Variants in ZNF679 observed in about 807,000 individuals in gnomAD.
ZNF679 encodes the protein zinc finger protein 679.
Under a neutral mutation model 13.4 loss-of-function variants are expected in ZNF679, and 10 were observed. That is an observed-to-expected ratio of 0.75 (90% confidence interval 0.46 to 1.27). ZNF679 has a LOEUF of 1.27. ZNF679 is among the 50% of genes most tolerant of loss of function. The probability of loss-of-function intolerance (pLI) is 0.00; values close to 1 mark genes in which losing one functional copy is unlikely to be tolerated. For synonymous variants in ZNF679, 179 were observed against 162.5 expected, an observed-to-expected ratio of 1.10 and a Z score of -0.77; for missense variants, 525 against 477.8, an observed-to-expected ratio of 1.10 and a Z score of -0.92.
chr7:64,250,484 G>T (rs1049153299), intron 2 of ZNF679, among the ~76,000 whole-genome samples: 1 of 151,796 alleles, frequency 6.6e-6, no homozygotes, highest in Non-Finnish European at 1.5e-5. Context: ...TGGACAGGCT[G>T]GTCTCAAACT....
chr7:64,236,133 C>G (rs1166072703), intron 1 of ZNF679, among the ~76,000 whole-genome samples: 1 of 151,788 alleles, frequency 6.6e-6, no homozygotes, highest in Non-Finnish European at 1.5e-5. Context: ...GGTGTGGTGG[C>G]TCACACCTGT....
chr7:64,251,465 AAAG>A (rs1043628037), intron 2 of ZNF679, among the ~76,000 whole-genome samples: 1 of 152,144 alleles, frequency 6.6e-6, no homozygotes, highest in Non-Finnish European at 1.5e-5. Flanking sequence ...AAAAAAAAGA[AAAG>A]AAGAGAAAAG....
At chr7:64,265,772 G>T (rs1788135239) in intron 4 of ZNF679, 124 bp from the exon 5 acceptor site, 18 of 1,049,880 alleles carry the variant, frequency 1.7e-5, no homozygotes, top group Non-Finnish European at 2.3e-5. Flanking sequence ...AAGGAATTAT[G>T]GCCTGTGGTA....
chr7:64,234,004 G>A (rs1173296653), intron 1 of ZNF679, among the ~76,000 whole-genome samples: 2 of 152,076 alleles, frequency 1.3e-5, no homozygotes, highest in African/African-American at 4.8e-5. Flanking sequence ...CTACTGGGAA[G>A]AGGATAGAGG....
intron 2 of ZNF679, among the ~76,000 whole-genome samples, chr7:64,249,622 C>G (rs1787916210): frequency 6.6e-6 from 1 of 152,138 alleles, no homozygotes; most frequent in Admixed American, 6.5e-5. Context: ...GAGTGCCCAG[C>G]TATGGTTTGT....
chr7:64,243,780 G>T (rs768275317), intron 1 of ZNF679, among the ~76,000 whole-genome samples: 3 of 152,290 alleles, frequency 2.0e-5, no homozygotes, highest in African/African-American at 7.2e-5. Flanking sequence ...GAAGGTATAC[G>T]TCACAATCAC....
At chr7:64,238,524 A>C (rs543253780) in intron 1 of ZNF679, among the ~76,000 whole-genome samples, 1 of 152,142 alleles carries the variant, frequency 6.6e-6, no homozygotes, top group East Asian at 1.9e-4. Context: ...AGTAGCTGGG[A>C]TTACAGGTAC....
chr7:64,236,918 GAAA>G (rs1787723229), intron 1 of ZNF679, among the ~76,000 whole-genome samples: 1 of 99,130 alleles, frequency 1.0e-5, no homozygotes, highest in Non-Finnish European at 2.0e-5. Flanking sequence ...AAGAAAGAAA[GAAA>G]GAAGAAAGAA....
intron 1 of ZNF679, among the ~76,000 whole-genome samples, chr7:64,242,059 A>G (rs1166265478): frequency 6.6e-6 from 1 of 152,240 alleles, no homozygotes; most frequent in Non-Finnish European, 1.5e-5. Context: ...TGTGCATAAC[A>G]GCCCGAACCC....
chr7:64,260,515 C>T (rs1788062827), intron 3 of ZNF679, among the ~76,000 whole-genome samples, 168 bp downstream of exon 3: 1 of 152,074 alleles, frequency 6.6e-6, no homozygotes, highest in African/African-American at 2.4e-5. Context: ...TTTATCTTGA[C>T]CTGAACTTTT....
chr7:64,245,870 G>T (rs374054493), intron 1 of ZNF679, among the ~76,000 whole-genome samples: 1 of 152,170 alleles, frequency 6.6e-6, no homozygotes, highest in South Asian at 2.1e-4. Context: ...TCTGGGTGTG[G>T]TGGTGGGTGC....
intron 1 of ZNF679, among the ~76,000 whole-genome samples, chr7:64,242,768 A>AT (rs55654659): frequency 0.67 from 99,549 of 148,798 alleles, 33,793 homozygotes; most frequent in African/African-American, 0.8. Flanking sequence ...ATCACCTGTG[A>AT]TTTTTTTTTT....
chr7:64,248,970 T>C (rs1430504520), intron 1 of ZNF679, 58 bp from the exon 2 acceptor site: 2 of 1,154,366 alleles, frequency 1.7e-6, no homozygotes, highest in Non-Finnish European at 2.5e-6. Flanking sequence ...GGCATGCAGC[T>C]GGAGAGAACA....
At chr7:64,265,846 T>C in intron 4 of ZNF679, 50 bp from the exon 5 acceptor site, 1 of 1,564,014 alleles carries the variant, frequency 6.4e-7, no homozygotes, top group Non-Finnish European at 8.6e-7. Context: ...GTAAAGTATA[T>C]CTATCTGGGT....
intron 1 of ZNF679, among the ~76,000 whole-genome samples, chr7:64,240,062 G>C (rs1022165048): frequency 2.6e-5 from 4 of 152,118 alleles, no homozygotes; most frequent in African/African-American, 9.7e-5. Flanking sequence ...CCAGCTCCCT[G>C]GTCATGGAAC....
Position 64,249,136 on chromosome 7 carries a change from T to C in ZNF679, c.19T>C (p.Ser7Pro), listed in dbSNP as rs772573145. MAKRPG[S>P]PGSREMGLLT... ...CAGATTTATGGCTAAAAGACCGGGA[T>C]CCCCTGGAAGCCGAGAAATGGTGAG... Residue 7 changes from serine to proline, a missense_variant, in exon 2 of 5, where the codon TCC (serine) becomes CCC (proline). Ser to Pro is a moderately conservative substitution (Grantham distance 74). Coordinates refer to ENST00000421025, the MANE Select transcript of ZNF679 (RefSeq NM_153363.3). 36 of 1,613,864 alleles carry C rather than the reference T, an allele frequency of 2.2e-5. No homozygotes were observed. The highest frequency in any genetic ancestry group is 4.5e-5 in the East Asian group (2 of 44,882).
chr7:64,261,056 A>C, intron 4 of ZNF679, 127 bp downstream of exon 4: 1 of 957,550 alleles, frequency 1.0e-6, no homozygotes, highest in Admixed American at 3.3e-5. Context: ...AGCCCGAGTC[A>C]TTTTTTTTTC....
chr7:64,236,228 G>A (rs1198736984), intron 1 of ZNF679, among the ~76,000 whole-genome samples: 4 of 152,120 alleles, frequency 2.6e-5, no homozygotes, highest in Admixed American at 6.5e-5. Context: ...TTGAGCCATC[G>A]CACTCCAGCC....
chr7:64,262,742 A>G (rs1280155151), intron 4 of ZNF679, among the ~76,000 whole-genome samples: 1 of 152,182 alleles, frequency 6.6e-6, no homozygotes, highest in African/African-American at 2.4e-5. Context: ...AAAATTAAGA[A>G]GTATATTGCC....
Sources: allele counts gnomAD v4.1 joint callset (sites outside exome capture counted in the v4.1 genomes callset), GRCh38; gene constraint gnomAD v4.1.1; transcripts MANE v1.5; gene names NCBI Gene and HGNC (gene_info 2026-07-23, HGNC 2026-07-21).